The following CSNK1G2 variants were observed in gnomAD, a reference collection of about 807,000 sequenced individuals.
CSNK1G2 encodes the protein casein kinase I isoform gamma-2.
A neutral mutation model predicts 48.0 loss-of-function variants in CSNK1G2; 11 were observed. That is an observed-to-expected ratio of 0.23 (90% confidence interval 0.14 to 0.38). CSNK1G2 has a LOEUF of 0.38. Ranked by LOEUF, CSNK1G2 falls within the 10% of genes least tolerant of loss-of-function variation. The pLI is 1.00. For missense variants in CSNK1G2, 446 were observed against 595.5 expected, an observed-to-expected ratio of 0.75 and a Z score of 2.61; for synonymous variants, 337 against 254.1, an observed-to-expected ratio of 1.33 and a Z score of -3.10.
At chr19:1,963,086 C>A (rs1365909041) in intron 1 of CSNK1G2, among the ~76,000 whole-genome samples, 1 of 152,166 alleles carries the variant, frequency 6.6e-6, no homozygotes, top group Non-Finnish European at 1.5e-5. Flanking sequence ...ACACGCCAGA[C>A]ACAGAGGACA....
At chr19:1,974,077 A>T (rs537068312) in intron 2 of CSNK1G2, among the ~76,000 whole-genome samples, 2 of 152,084 alleles carry the variant, frequency 1.3e-5, no homozygotes, top group East Asian at 3.9e-4. Flanking sequence ...CAGTAGAGAC[A>T]GGGTTTCACT....
chr19:1,953,210 G>A (rs1179230667), intron 1 of CSNK1G2, among the ~76,000 whole-genome samples: 2 of 152,094 alleles, frequency 1.3e-5, no homozygotes, highest in Non-Finnish European at 2.9e-5. Context: ...CTGCCTGCAC[G>A]TTCCCCCCGC....
chr19:1,970,265 AC>A (rs1260037378), intron 2 of CSNK1G2, among the ~76,000 whole-genome samples: 26 of 152,200 alleles, frequency 1.7e-4, no homozygotes, highest in African/African-American at 6.0e-4. Context: ...GTTGTGAATG[AC>A]TTTCATGGCC....
chr19:1,951,413 TA>T (rs374265531), intron 1 of CSNK1G2, among the ~76,000 whole-genome samples: 4 of 142,126 alleles, frequency 2.8e-5, no homozygotes, highest in Non-Finnish European at 6.0e-5. Context: ...AAAAAAAAAA[TA>T]AAAAAAATCA....
At chr19:1,945,934 C>T (rs12460164) in intron 1 of CSNK1G2, among the ~76,000 whole-genome samples, 62,590 of 152,026 alleles carry the variant, frequency 0.41, 15,638 homozygotes, top group Non-Finnish European at 0.56. Flanking sequence ...GGGTGAGGAC[C>T]GAAGCTGTGG....
chr19:1,955,142 G>A (rs1017737379), intron 1 of CSNK1G2, among the ~76,000 whole-genome samples: 1 of 152,174 alleles, frequency 6.6e-6, no homozygotes, highest in Admixed American at 6.5e-5. Flanking sequence ...CCCTGACCGA[G>A]TGGTGACCGC....
chr19:1,951,639 G>A lies in CSNK1G2; in HGVS notation c.-266+10221G>A, dbSNP rs532884911. On this transcript the variant is annotated intron_variant, in intron 1 of 11. Transcript: ENST00000255641. ...TGCCCTCAGGATGTGCAGGCTGGGC[G>A]GGAGGAAGCGGTGAGAGTCCACCCC... 1.1e-4 allele frequency among the ~76,000 whole-genome samples: 16 copies of A among 143,338 alleles called. 2 individuals carry two copies. The South Asian group carries it at 3.0e-3, about 27-fold the overall frequency. 94.0% of individuals were successfully genotyped at this position (143,338 alleles called of 152,430 possible).
rs1207086460 is a variant in CSNK1G2 at position 1,943,060 on chromosome 19, C to G, written c.-266+1642C>G. Among the ~76,000 whole-genome samples, 6 of 151,970 alleles carry G rather than the reference C, an allele frequency of 3.9e-5. No homozygotes were observed. The East Asian group carries it at 9.6e-4, about 24-fold the overall frequency. On this transcript the variant is annotated intron_variant, in intron 1 of 11. Coordinates refer to ENST00000255641, the MANE Select transcript of CSNK1G2 (RefSeq NM_001319.7). ...ACGGGAGACCTGCATGCAGGGGAGC[C>G]GGGTCTGGACGGGGTCCCAATGGGA... is the stretch of plus-strand genomic sequence containing the variant.
At chr19:1,947,546 G>A (rs1298765762) in intron 1 of CSNK1G2, among the ~76,000 whole-genome samples, 2 of 152,226 alleles carry the variant, frequency 1.3e-5, no homozygotes, top group South Asian at 2.1e-4. Context: ...GGGAGCCTGA[G>A]GGCAGCGCAC....
In CSNK1G2 at chr19:1,969,687, A is replaced by G. The variant is rs2015498674; in HGVS notation, c.-86A>G. The G allele has an allele frequency of 9.7e-6, 11 of 1,130,334 alleles. No individual in the cohort carries two copies. Among genetic ancestry groups the G allele is most frequent in the African/African-American group, 1.6e-5 (1 of 62,176 alleles). 70.0% of individuals were successfully genotyped at this position (1,130,334 alleles called of 1,614,324 possible). On this transcript the variant is annotated 5_prime_UTR_variant, in exon 2 of 12. Coordinates refer to ENST00000255641, the MANE Select transcript of CSNK1G2 (RefSeq NM_001319.7). The stretch of plus-strand genomic sequence containing the variant: ...CCGGCCGCAGTGATGTTCTAGCCAC[A>G]GAGGAGCCAAGACCTCAGGTTTCCA...
In CSNK1G2 at chr19:1,967,239, C is replaced by T. The variant is rs192572534; in HGVS notation, c.-265-2269C>T. Among the ~76,000 whole-genome samples, 321 of 152,282 alleles carry T rather than the reference C, an allele frequency of 2.1e-3. 2 individuals are homozygous for T. Among genetic ancestry groups the T allele is most frequent in the African/African-American group, 7.2e-3 (301 of 41,554 alleles). On this transcript the variant is annotated intron_variant, in intron 1 of 11. Coordinates refer to ENST00000255641, the MANE Select transcript of CSNK1G2 (RefSeq NM_001319.7). Reference sequence around the variant, plus strand: ...ACATCCAGGGGGGCAGTGCTTGTGACGCCGGTGCCTTCGTTTCTGATGTGG... The same window carrying T: ...ACATCCAGGGGGGCAGTGCTTGTGATGCCGGTGCCTTCGTTTCTGATGTGG...
chr19:1,949,220 C>G (rs2014677708), intron 1 of CSNK1G2, among the ~76,000 whole-genome samples: 1 of 152,230 alleles, frequency 6.6e-6, no homozygotes. Context: ...GCCCTGGCCC[C>G]ATCAGCAGCC....
intron 2 of CSNK1G2, chr19:1,975,830 G>C (rs2015734032): frequency 1.1e-6 from 1 of 931,348 alleles, no homozygotes; most frequent in African/African-American, 1.8e-5. Flanking sequence ...GACGTCAGGA[G>C]TTCGAGACCA....
chr19:1,963,390 T>G (rs1179615937), intron 1 of CSNK1G2, among the ~76,000 whole-genome samples: 1 of 151,356 alleles, frequency 6.6e-6, no homozygotes, highest in Non-Finnish European at 1.5e-5. Flanking sequence ...TTTTTTGTAT[T>G]TTTAGTAGAG....
rs190926033 is a variant in CSNK1G2 at position 1,961,734 on chromosome 19, G to C, written c.-265-7774G>C. Among the ~76,000 whole-genome samples, 32 of 152,400 alleles carry C rather than the reference G, an allele frequency of 2.1e-4. No homozygotes were observed. The Middle Eastern group carries it at 0.014, about 65-fold the overall frequency. ...GGAGATTCCTCCCCCAAAACGCCCA[G>C]GAAGGAAGTTAAATTTTAATATGGG... On this transcript the variant is annotated intron_variant, in intron 1 of 11. Transcript: ENST00000255641.
At chr19:1,971,168 T>C (rs986367233) in intron 2 of CSNK1G2, among the ~76,000 whole-genome samples, 1 of 152,190 alleles carries the variant, frequency 6.6e-6, no homozygotes, top group Non-Finnish European at 1.5e-5. Context: ...GTGTGTCCTA[T>C]GAGTCAAGCA....
chr19:1,958,664 C>T (rs1306475323), intron 1 of CSNK1G2, among the ~76,000 whole-genome samples: 1 of 73,314 alleles, frequency 1.4e-5, no homozygotes, highest in African/African-American at 5.8e-5. Context: ...CCCGTCCCCT[C>T]GTCCCCCCAT....
At chr19:1,961,003 C>G (rs188763880) in intron 1 of CSNK1G2, among the ~76,000 whole-genome samples, 1 of 152,204 alleles carries the variant, frequency 6.6e-6, no homozygotes, top group Admixed American at 6.5e-5. Flanking sequence ...AGGTGTGGGC[C>G]GGTGTGCGGC....
intron 1 of CSNK1G2, among the ~76,000 whole-genome samples, chr19:1,952,114 C>T (rs1227807011): frequency 6.6e-6 from 1 of 152,160 alleles, no homozygotes; most frequent in African/African-American, 2.4e-5. Flanking sequence ...ATGTCTTTTT[C>T]GGGGATAGCC....
Sources: allele counts gnomAD v4.1 joint callset (sites outside exome capture counted in the v4.1 genomes callset), GRCh38; gene constraint gnomAD v4.1.1; transcripts MANE v1.5; gene names NCBI Gene and HGNC (gene_info 2026-07-23, HGNC 2026-07-21).